Variants in ADAMTS3 observed in about 807,000 individuals in gnomAD.
The protein encoded by ADAMTS3 is ADAM metallopeptidase with thrombospondin type 1 motif 3.
ADAMTS3 carries 73 observed loss-of-function variants against 129.0 expected under a neutral mutation model. That is an observed-to-expected ratio of 0.57 (90% CI 0.47 to 0.69). The LOEUF (loss-of-function observed/expected upper bound fraction) is 0.69. Among genes scored for constraint, ADAMTS3 ranks in the 30% least tolerant of loss-of-function variants. ADAMTS3 has a pLI of 0.00. For synonymous variants in ADAMTS3, 477 were observed against 510.8 expected (o/e 0.93, Z 0.89); for missense variants, 1,457 against 1,514.5 (o/e 0.96, Z 0.63).
intron 3 of ADAMTS3, among the ~76,000 whole-genome samples, chr4:72,504,934 G>T (rs1263750312): frequency 6.6e-6 from 1 of 152,078 alleles, no homozygotes; most frequent in Non-Finnish European, 1.5e-5. Flanking sequence ...TTCTTTTTAA[G>T]ATGTTTATCT....
At chr4:72,419,012 AC>A (rs1468672638) in intron 3 of ADAMTS3, among the ~76,000 whole-genome samples, 1 of 152,014 alleles carries the variant, frequency 6.6e-6, no homozygotes, top group Non-Finnish European at 1.5e-5. Context: ...GAGCCACACC[AC>A]ACTTCCCTAA....
intron 4 of ADAMTS3, among the ~76,000 whole-genome samples, chr4:72,393,105 T>C (rs1227947491): frequency 6.6e-6 from 1 of 152,060 alleles, no homozygotes; most frequent in Non-Finnish European, 1.5e-5. Flanking sequence ...TTTGTATTTT[T>C]AGTAGAGGTG....
Position 72,559,122 on chromosome 4 carries a change from G to C in ADAMTS3, c.97+8252C>G, listed in dbSNP as rs545803737. Among the ~76,000 whole-genome samples, 78 of 151,574 alleles carry C rather than the reference G, an allele frequency of 5.1e-4. 2 individuals carry two copies. The South Asian group carries it at 0.016, about 31-fold the overall frequency. ...AAAGAGGGAATAAGAGAAAGAGAGA[G>C]AGTCCATGAGAGTATCATTTGAACT... On this transcript the variant is annotated intron_variant, in intron 2 of 21. Coordinates refer to ENST00000286657, the MANE Select transcript of ADAMTS3 (RefSeq NM_014243.3).
chr4:72,309,201 G>A (rs906916312), intron 15 of ADAMTS3, among the ~76,000 whole-genome samples, 196 bp downstream of exon 15: 2 of 150,028 alleles, frequency 1.3e-5, no homozygotes, highest in South Asian at 2.1e-4. Flanking sequence ...CATCATTGAC[G>A]CTAGGGAGTA....
Position 72,548,618 on chromosome 4 carries a change from C to T in ADAMTS3, c.364G>A (p.Asp122Asn), listed in dbSNP as rs768336339. Reference protein sequence around the residue: ...ETSLVPGNITDPINNHQPGSA... With the variant: ...ETSLVPGNITNPINNHQPGSA... ...CCTGGTTGATGGTTGTTAATGGGAT[C>T]GGTTATATTCCCAGGCACCAGAGAT... Residue 122 changes from aspartate (D) to asparagine (N), a missense_variant, in exon 3 of 22, where the codon GAT (aspartate) becomes AAT (asparagine). Transcript: ENST00000286657. The T allele has an allele frequency of 3.1e-6, 5 of 1,613,984 alleles. No homozygotes were observed. Among genetic ancestry groups the T allele is most frequent in the Admixed American group, 1.7e-5 (1 of 59,998 alleles).
Position 72,309,473 on chromosome 4 carries a change from C to A in ADAMTS3, c.2103G>T (p.Lys701Asn). 6.2e-7 allele frequency: 1 copy of A among 1,612,176 alleles called. No homozygotes were observed. The change falls in exon 15 of 22, where the codon AAG becomes AAT. Residue 701 changes from lysine (K) to asparagine (N), a missense_variant. Transcript: ENST00000286657. ...KEIGSNKVED[K>N]CGVCGGDNSH... ...AATTATCTCCTCCACAGACACCACA[C>A]TTATCCTCAACCTTATTAGAACCAA...
At chr4:72,534,333 A>G (rs1333461487) in intron 3 of ADAMTS3, among the ~76,000 whole-genome samples, 1 of 152,164 alleles carries the variant, frequency 6.6e-6, no homozygotes, top group Non-Finnish European at 1.5e-5. Flanking sequence ...TCTCAAAAAA[A>G]AAAAAGAAAA....
intron 3 of ADAMTS3, among the ~76,000 whole-genome samples, chr4:72,428,102 G>A (rs996973325): frequency 4.6e-5 from 7 of 151,960 alleles, no homozygotes; most frequent in African/African-American, 1.4e-4. Flanking sequence ...GCAATTACAG[G>A]GGGAAAGGAT....
intron 3 of ADAMTS3, among the ~76,000 whole-genome samples, chr4:72,481,977 A>G (rs1212765924): frequency 5.9e-5 from 9 of 152,144 alleles, no homozygotes; most frequent in Non-Finnish European, 1.2e-4. Context: ...ACACTATCAT[A>G]AAGGCAAAAA....
intron 3 of ADAMTS3, among the ~76,000 whole-genome samples, chr4:72,487,448 C>CAAAACAAAA (rs1252620342): frequency 1.3e-5 from 2 of 152,054 alleles, no homozygotes; most frequent in Admixed American, 6.6e-5. Flanking sequence ...AGTCAAAGAA[C>CAAAACAAAA]CAATCAGCAA....
At chr4:72,567,024 C>G (rs1367639833) in intron 2 of ADAMTS3, among the ~76,000 whole-genome samples, 2 of 152,200 alleles carry the variant, frequency 1.3e-5, no homozygotes, top group East Asian at 3.8e-4. Flanking sequence ...CTCAAATGTG[C>G]TCCTCCTAAA....
intron 3 of ADAMTS3, among the ~76,000 whole-genome samples, chr4:72,531,225 AT>A (rs1490627089): frequency 6.6e-6 from 1 of 152,112 alleles, no homozygotes; most frequent in Non-Finnish European, 1.5e-5. Flanking sequence ...GATAGGAGAT[AT>A]TTGAGGGAAA....
intron 3 of ADAMTS3, among the ~76,000 whole-genome samples, chr4:72,490,166 G>T (rs1232759599): frequency 6.6e-6 from 1 of 151,910 alleles, no homozygotes; most frequent in African/African-American, 2.4e-5. Flanking sequence ...CTTCTATTGA[G>T]AAATGTCTAT....
At chr4:72,290,754 C>T (rs1302494423) in intron 20 of ADAMTS3, 101 bp downstream of exon 20, 2 of 1,247,740 alleles carry the variant, frequency 1.6e-6, no homozygotes, top group African/African-American at 3.0e-5. Flanking sequence ...AGTAGTTTCT[C>T]AGTTCACACA....
intron 4 of ADAMTS3, among the ~76,000 whole-genome samples, chr4:72,359,402 G>A (rs753163513): frequency 5.9e-5 from 9 of 151,954 alleles, no homozygotes; most frequent in Non-Finnish European, 1.3e-4. Context: ...AAGATATAGT[G>A]TATAGTAATT....
At chr4:72,472,486 TTTG>T (rs1362312842) in intron 3 of ADAMTS3, among the ~76,000 whole-genome samples, 1 of 152,068 alleles carries the variant, frequency 6.6e-6, no homozygotes, top group Admixed American at 6.6e-5. Context: ...TGAAAATCAG[TTTG>T]TTTTCTTACT....
At chr4:72,404,860 A>AC (rs2109913854) in intron 4 of ADAMTS3, among the ~76,000 whole-genome samples, 1 of 142,090 alleles carries the variant, frequency 7.0e-6, no homozygotes, top group African/African-American at 2.6e-5. Flanking sequence ...ACACACACAC[A>AC]AAACACACAA....
At chr4:72,397,665 A>C (rs2109901722) in intron 4 of ADAMTS3, among the ~76,000 whole-genome samples, 1 of 152,226 alleles carries the variant, frequency 6.6e-6, no homozygotes, top group South Asian at 2.1e-4. Flanking sequence ...ACAGGAGAGA[A>C]ACTGTGAGCT....
chr4:72,404,134 G>T (rs140264657), intron 4 of ADAMTS3, among the ~76,000 whole-genome samples: 265 of 152,136 alleles, frequency 1.7e-3, no homozygotes, highest in African/African-American at 6.0e-3. Flanking sequence ...CTATTAAGAT[G>T]CCAGTGGCAT....
Sources: allele counts gnomAD v4.1 joint callset (sites outside exome capture counted in the v4.1 genomes callset), GRCh38; gene constraint gnomAD v4.1.1; transcripts MANE v1.5; gene names NCBI Gene and HGNC (gene_info 2026-07-23, HGNC 2026-07-21).